PROKR1: variants seen among roughly 807,000 people sequenced by gnomAD.
PROKR1 encodes G protein-coupled receptor 73.
A neutral mutation model predicts 22.8 loss-of-function variants in PROKR1; 21 were observed. That is an observed-to-expected ratio of 0.92 (90% confidence interval 0.65 to 1.32). The LOEUF (loss-of-function observed/expected upper bound fraction) is 1.32, where lower values mean the gene tolerates loss of function less well. Ranked by LOEUF, PROKR1 falls within the 40% of genes most tolerant of loss-of-function variation. The pLI is 0.00. For synonymous variants in PROKR1, 193 were observed against 207.5 expected (o/e 0.93, Z 0.60); for missense variants, 548 against 514.2 (o/e 1.07, Z -0.64).
chr2:68,645,770 A>G lies in PROKR1; in HGVS notation c.-52A>G. 2 of 1,614,050 alleles carry G rather than the reference A, an allele frequency of 1.2e-6. No individual in the cohort carries two copies. The highest frequency in any genetic ancestry group is 2.2e-5 in the South Asian group (2 of 91,078). ...GAGAGGGGTGACATCAGCCTTGCAG[A>G]CATTGCCCTGGGGAATTCTGAGCAG... On this transcript the variant is annotated 5_prime_UTR_variant, in exon 2 of 3. Transcript: ENST00000303786.
At chr2:68,648,718 T>G (rs1263450618) in intron 2 of PROKR1, among the ~76,000 whole-genome samples, 2 of 152,234 alleles carry the variant, frequency 1.3e-5, no homozygotes, top group Non-Finnish European at 2.9e-5. Flanking sequence ...TGGGAGCAAC[T>G]AATTTTTATC....
In PROKR1 at chr2:68,656,870, G is replaced by C. The variant is rs1673483237; in HGVS notation, c.*1294G>C. Reference sequence around the variant, plus strand: ...TGAAGTCATGTGATCCAGTGGCAGGGGATGCAGGTCAGATGCATCTTCCAG... The same window carrying C: ...TGAAGTCATGTGATCCAGTGGCAGGCGATGCAGGTCAGATGCATCTTCCAG... On this transcript the variant is annotated 3_prime_UTR_variant, in exon 3 of 3. Coordinates refer to ENST00000303786, the MANE Select transcript of PROKR1 (RefSeq NM_138964.4). The C allele has an allele frequency of 6.6e-6, 1 of 152,256 alleles. No homozygotes were observed. Among genetic ancestry groups the C allele is most frequent in the South Asian group, 2.1e-4 (1 of 4,826 alleles). 9.4% of individuals were successfully genotyped at this position (152,256 alleles called of 1,614,324 possible).
rs1164379850 is a variant in PROKR1 at position 68,646,317 on chromosome 2, C to G, written c.485+11C>G. On this transcript the variant is annotated intron_variant, in intron 2 of 2. Coordinates refer to ENST00000303786, the MANE Select transcript of PROKR1 (RefSeq NM_138964.4). ...CATCGCCATTGACAGGTGAGTGCAG[C>G]AGCAGTGGGGACAACAAAGGCGGTC... The G allele has an allele frequency of 6.2e-7, 1 of 1,614,126 alleles. No individual in the cohort carries two copies. The highest frequency in any genetic ancestry group is 8.5e-7 in the Non-Finnish European group (1 of 1,180,016).
At chr2:68,653,425 G>GAA (rs113052443) in intron 2 of PROKR1, among the ~76,000 whole-genome samples, 35,306 of 148,276 alleles carry the variant, frequency 0.24, 4,858 homozygotes, top group African/African-American at 0.39. Flanking sequence ...ATACAGTCAG[G>GAA]AAAAAAAAAA....
chr2:68,644,279 C>T (rs1673127230), intron 1 of PROKR1, among the ~76,000 whole-genome samples: 2 of 152,214 alleles, frequency 1.3e-5, no homozygotes, highest in African/African-American at 4.8e-5. Context: ...AGGGGTACCC[C>T]TCCAGGAGTG....
intron 2 of PROKR1, among the ~76,000 whole-genome samples, chr2:68,650,990 G>T (rs1167107912): frequency 6.6e-6 from 1 of 152,162 alleles, no homozygotes; most frequent in Admixed American, 6.5e-5. Context: ...GAAACACAAG[G>T]ACAGTAGAGA....
Position 68,646,306 on chromosome 2 carries a change from G to A in PROKR1, c.485G>A (p.Arg162Lys). ...GCCCTGCTGGCCATCGCCATTGACA[G>A]GTGAGTGCAGCAGCAGTGGGGACAA... ...TNALLAIAID[R>K]YLAIVHPLRP... Residue 162 changes from arginine to lysine, a missense_variant and splice_region_variant, in exon 2 of 3, where the codon AGG becomes AAG. By Grantham distance (26) the Arg-to-Lys change is conservative (BLOSUM62 2). Transcript: ENST00000303786. 6.2e-7 allele frequency: 1 copy of A among 1,614,218 alleles called. No individual in the cohort carries two copies. The highest frequency in any genetic ancestry group is 8.5e-7 in the Non-Finnish European group (1 of 1,180,044).
Position 68,646,090 on chromosome 2 carries a change from A to G in PROKR1, c.269A>G (p.Tyr90Cys), listed in dbSNP as rs778402634. 2.5e-6 allele frequency: 4 copies of G among 1,613,822 alleles called. No homozygotes were observed. The African/African-American group carries it at 5.3e-5, about 22-fold the overall frequency. The change falls in exon 2 of 3, where the codon TAC becomes TGC. Residue 90 changes from tyrosine (Y) to cysteine (C), a missense_variant. Physicochemically the swap from Tyr to Cys is radical, Grantham distance 194 (BLOSUM62 -2). Transcript: ENST00000303786. ...ATCTTTATCGCTGCCCTGGTCCGCT[A>G]CAAGAAACTGCGCAACCTCACCAAC... ...NFIFIAALVR[Y>C]KKLRNLTNLL...
chr2:68,645,952 T>A lies in PROKR1; in HGVS notation c.131T>A (p.Met44Lys). Residue 44 changes from methionine (M) to lysine (K), a missense_variant, in exon 2 of 3, where the codon ATG becomes AAG. Met to Lys is a moderately conservative substitution (Grantham distance 95). Coordinates refer to ENST00000303786, the MANE Select transcript of PROKR1 (RefSeq NM_138964.4). ...AACTTCAGCTACAGCGACTATGATA[T>A]GCCTTTGGATGAAGATGAGGATGTG... Reference protein sequence around the residue: ...PFNFSYSDYDMPLDEDEDVTN... With the variant: ...PFNFSYSDYDKPLDEDEDVTN... The A allele has an allele frequency of 6.2e-7, 1 of 1,614,256 alleles. No homozygotes were observed.
chr2:68,649,139 T>A (rs1480615521), intron 2 of PROKR1, among the ~76,000 whole-genome samples: 2 of 152,108 alleles, frequency 1.3e-5, no homozygotes, highest in East Asian at 3.9e-4. Flanking sequence ...TGATGTGATT[T>A]AAAAAAAATA....
At chr2:68,649,721 G>A (rs919191113) in intron 2 of PROKR1, 1 of 152,134 alleles carries the variant, frequency 6.6e-6, no homozygotes, top group East Asian at 1.9e-4. Context: ...AAGGGTCTCC[G>A]AGGAGAGGCC....
chr2:68,651,202 A>G (rs1456825005), intron 2 of PROKR1, among the ~76,000 whole-genome samples: 1 of 139,808 alleles, frequency 7.2e-6, no homozygotes, highest in Admixed American at 7.0e-5. Context: ...TCTCTACAAA[A>G]GAAAAAAAAA....
In PROKR1 at chr2:68,655,000, C is replaced by T. The variant is rs1008650835; in HGVS notation, c.606C>T (p.Thr202=). 5 of 1,613,434 alleles carry T rather than the reference C, an allele frequency of 3.1e-6. No individual in the cohort carries two copies. The highest frequency in any genetic ancestry group is 2.7e-5 in the African/African-American group (2 of 74,894). ...LIAIPSAYFT[T]ETVLVIVKSQ... Reference sequence around the variant, plus strand: ...CCATCCCTTCCGCCTACTTCACCACCGAGACGGTCCTCGTCATTGTCAAGA... The same window carrying T: ...CCATCCCTTCCGCCTACTTCACCACTGAGACGGTCCTCGTCATTGTCAAGA... The change falls in exon 3 of 3, where the codon ACC becomes ACT. Residue 202 remains threonine, a synonymous_variant. Coordinates refer to ENST00000303786, the MANE Select transcript of PROKR1 (RefSeq NM_138964.4).
In PROKR1 at chr2:68,655,013, G is replaced by A. The variant is rs763126261; in HGVS notation, c.619G>A (p.Val207Ile). The A allele has an allele frequency of 1.9e-6, 3 of 1,613,612 alleles. No individual in the cohort carries two copies. The highest frequency in any genetic ancestry group is 1.1e-5 in the South Asian group (1 of 91,068). ...CTACTTCACCACCGAGACGGTCCTC[G>A]TCATTGTCAAGAGCCAGGAAAAGAT... ...SAYFTTETVL[V>I]IVKSQEKIFC... Residue 207 changes from valine to isoleucine, a missense_variant, in exon 3 of 3, where the codon GTC becomes ATC. Coordinates refer to ENST00000303786, the MANE Select transcript of PROKR1 (RefSeq NM_138964.4).
intron 2 of PROKR1, among the ~76,000 whole-genome samples, chr2:68,651,991 G>A (rs1184987358): frequency 1.3e-5 from 2 of 152,156 alleles, no homozygotes. Context: ...CAACTGTGAT[G>A]GAGAGGAAAG....
intron 2 of PROKR1, among the ~76,000 whole-genome samples, chr2:68,651,220 G>A (rs10210046): frequency 0.16 from 24,903 of 151,892 alleles, 3,367 homozygotes; most frequent in African/African-American, 0.37. Flanking sequence ...AAAATTTACC[G>A]GGCATGGTGG....
At chr2:68,646,802 A>G (rs1174072207) in intron 2 of PROKR1, among the ~76,000 whole-genome samples, 1 of 152,162 alleles carries the variant, frequency 6.6e-6, no homozygotes, top group African/African-American at 2.4e-5. Flanking sequence ...AATCCCAGCA[A>G]TTTGGGAGGC....
In PROKR1 at chr2:68,655,317, ACTT is replaced by A. The variant is rs1673424680; in HGVS notation, c.928_930del (p.Phe310del). On this transcript the variant is annotated inframe_deletion, in exon 3 of 3. Transcript: ENST00000303786. ...TTCTACGGCTTCACCATCGTGCGCG[ACTT>A]CTTCCCCACCGTGTTTGTGAAGGAG... The A allele has an allele frequency of 1.2e-6, 2 of 1,614,062 alleles. No homozygotes were observed. Among genetic ancestry groups the A allele is most frequent in the African/African-American group, 2.7e-5 (2 of 74,944 alleles).
chr2:68,652,622 T>C (rs1442456656), intron 2 of PROKR1, among the ~76,000 whole-genome samples: 1 of 152,090 alleles, frequency 6.6e-6, no homozygotes, highest in African/African-American at 2.4e-5. Context: ...CAATAACAGG[T>C]AAAAGAAAAT....
Sources: gnomAD v4.1 joint callset for allele counts (sites outside exome capture counted in the v4.1 genomes callset) on GRCh38, gnomAD v4.1.1 for gene constraint, MANE v1.5 for transcripts, NCBI Gene and HGNC (gene_info 2026-07-23, HGNC 2026-07-21) for gene names.